SIPA1L2: variants seen among roughly 807,000 people sequenced by gnomAD.
SIPA1L2 encodes signal induced proliferation associated 1 like 2.
In SIPA1L2, 56 loss-of-function variants were observed where a neutral mutation model predicts 163.9. The ratio of observed to expected loss-of-function variants is 0.34; its 90% CI spans 0.28 to 0.43. The LOEUF is 0.43. Among genes scored for constraint, SIPA1L2 ranks in the 20% least tolerant of loss-of-function variants. The pLI is 1.00. For synonymous variants in SIPA1L2, 877 were observed against 865.7 expected (o/e 1.01, Z -0.23); for missense variants, 1,974 against 2,193.5 (o/e 0.90, Z 2.00).
intron 3 of SIPA1L2, among the ~76,000 whole-genome samples, chr1:232,497,437 C>A (rs1572986485): frequency 1.3e-5 from 2 of 152,180 alleles, no homozygotes; most frequent in South Asian, 4.1e-4. Flanking sequence ...TTCACTCCCC[C>A]ACAGCCTGTC....
rs1667167782 is a variant in SIPA1L2 at position 232,515,187 on chromosome 1, T to C, written c.153A>G (p.Leu51=). 6 of 1,614,172 alleles carry C rather than the reference T, an allele frequency of 3.7e-6. No individual in the cohort carries two copies. The highest frequency in any genetic ancestry group is 5.1e-6 in the Non-Finnish European group (6 of 1,180,024). ...INGNMGPTTS[L]NASNSNETGG... is the part of the protein sequence containing the mutation. Reference sequence around the variant, plus strand: ...CAGTCTCATTGGAATTCGAGGCATTTAAAGAAGTAGTGGGTCCCATGTTGC... The same window carrying C: ...CAGTCTCATTGGAATTCGAGGCATTCAAAGAAGTAGTGGGTCCCATGTTGC... Residue 51 remains leucine, a synonymous_variant, in exon 3 of 23, where the codon TTA becomes TTG. Transcript: ENST00000674635.
In SIPA1L2 at chr1:232,441,328, T is replaced by C. The variant is rs745662748; in HGVS notation, c.3605A>G (p.Asp1202Gly). The change falls in exon 14 of 23, where the codon GAT becomes GGT. Residue 1202 changes from aspartate to glycine, a missense_variant. Asp to Gly is a moderately conservative substitution (Grantham distance 94). Coordinates refer to ENST00000674635, the MANE Select transcript of SIPA1L2 (RefSeq NM_020808.5). Reference sequence around the variant, plus strand: ...ATTGGGGGAATCTTTGCAACTTCCATCTTTCTGCAGAGCTCTTTCTTTATA... The same window carrying C: ...ATTGGGGGAATCTTTGCAACTTCCACCTTTCTGCAGAGCTCTTTCTTTATA... ...GSYKERALQKDGSCKDSPNKL... is the reference protein window; with the variant it reads ...GSYKERALQKGGSCKDSPNKL... The C allele has an allele frequency of 1.1e-5, 18 of 1,593,790 alleles. No homozygotes were observed. In the South Asian group the frequency reaches 2.1e-4, roughly 18 times the overall value.
chr1:232,464,599 C>CT (rs1030569620), intron 9 of SIPA1L2, among the ~76,000 whole-genome samples: 1 of 152,188 alleles, frequency 6.6e-6, no homozygotes, highest in African/African-American at 2.4e-5. Flanking sequence ...TTAATGTTCT[C>CT]TTTTGCAGGT....
intron 2 of SIPA1L2, among the ~76,000 whole-genome samples, chr1:232,560,754 A>G (rs1486087940): frequency 6.6e-6 from 1 of 152,248 alleles, no homozygotes; most frequent in African/African-American, 2.4e-5. Context: ...TTCTAAGTGC[A>G]TATAATTTCT....
intron 2 of SIPA1L2, among the ~76,000 whole-genome samples, chr1:232,541,539 T>C (rs1369870305): frequency 6.6e-6 from 1 of 152,226 alleles, no homozygotes; most frequent in Admixed American, 6.5e-5. Flanking sequence ...GGTTCACTGA[T>C]GCTGAACAAG....
chr1:232,421,718 T>C (rs1354510362), intron 18 of SIPA1L2, among the ~76,000 whole-genome samples: 1 of 152,154 alleles, frequency 6.6e-6, no homozygotes, highest in African/African-American at 2.4e-5. Context: ...TGAAGCAACA[T>C]GTGCAAGTAT....
In SIPA1L2 at chr1:232,449,292, G is replaced by A. The variant is rs528231672; in HGVS notation, c.3096-3506C>T. On this transcript the variant is annotated intron_variant, in intron 10 of 22. Transcript: ENST00000674635. ...CCAGCACTTTGGGGGGCCGAGGTGG[G>A]CGGATCACGAGGTCAGGAGATTGAG... 7.0e-4 allele frequency among the ~76,000 whole-genome samples: 107 copies of A among 152,158 alleles called. No homozygotes were observed. The Middle Eastern group carries it at 0.014, about 19-fold the overall frequency.
chr1:232,581,472 G>A (rs1660370062), intron 1 of SIPA1L2, among the ~76,000 whole-genome samples: 1 of 152,250 alleles, frequency 6.6e-6, no homozygotes, highest in East Asian at 1.9e-4. Flanking sequence ...GAGGAAAAAA[G>A]AGGCCTTCTG....
chr1:232,450,147 ACT>A (rs920821951), intron 10 of SIPA1L2, among the ~76,000 whole-genome samples: 1 of 152,008 alleles, frequency 6.6e-6, no homozygotes, highest in Non-Finnish European at 1.5e-5. Context: ...CTTTATTTTA[ACT>A]CTGTTTCCCT....
rs16857602 is a variant in SIPA1L2 at position 232,541,604 on chromosome 1, A to G, written c.-269-25996T>C. Among the ~76,000 whole-genome samples the G allele has an allele frequency of 9.2e-3, 1,394 of 152,308 alleles. 30 individuals carry two copies. Among genetic ancestry groups the G allele is most frequent in the African/African-American group, 0.032 (1,325 of 41,546 alleles). ...ATCTCTTAGTTAAGACAGTAAGTCG[A>G]TATTTTGGTTCTTGTACATTAAAAG... On this transcript the variant is annotated intron_variant, in intron 2 of 22. Transcript: ENST00000674635.
At chr1:232,566,504 C>T (rs1659414433) in intron 2 of SIPA1L2, among the ~76,000 whole-genome samples, 1 of 152,220 alleles carries the variant, frequency 6.6e-6, no homozygotes, top group Non-Finnish European at 1.5e-5. Context: ...GTATTCGTCG[C>T]TTTTCACTAA....
intron 1 of SIPA1L2, among the ~76,000 whole-genome samples, chr1:232,577,946 C>T (rs1453869835): frequency 1.3e-5 from 2 of 152,110 alleles, no homozygotes; most frequent in African/African-American, 4.8e-5. Context: ...GGGTCAAATG[C>T]TATGAAACAG....
chr1:232,551,994 C>G (rs1046102308), intron 2 of SIPA1L2, among the ~76,000 whole-genome samples: 4 of 152,142 alleles, frequency 2.6e-5, no homozygotes, highest in East Asian at 1.9e-4. Context: ...CGCCCGCCCC[C>G]ACGCCTGGCT....
rs561672244 is a variant in SIPA1L2, at chr1:232,422,250, T to G, written c.4630+3339A>C. On this transcript the variant is annotated intron_variant, in intron 18 of 22. Coordinates refer to ENST00000674635, the MANE Select transcript of SIPA1L2 (RefSeq NM_020808.5). ...CAGGTGATATTTGCATACCTCCAAG[T>G]TGAAGACATAAAGATACAGCACATT... 6.6e-5 allele frequency among the ~76,000 whole-genome samples: 10 copies of G among 152,290 alleles called. No individual in the cohort carries two copies. In the South Asian group the frequency reaches 2.1e-3, roughly 32 times the overall value.
chr1:232,534,491 G>GA (rs1318085155), intron 2 of SIPA1L2, among the ~76,000 whole-genome samples: 1 of 152,226 alleles, frequency 6.6e-6, no homozygotes, highest in Non-Finnish European at 1.5e-5. Context: ...ATGATTGCTT[G>GA]AATATGACAC....
intron 1 of SIPA1L2, among the ~76,000 whole-genome samples, chr1:232,622,044 G>C (rs1262117725): frequency 1.3e-5 from 2 of 152,132 alleles, no homozygotes; most frequent in Admixed American, 6.5e-5. Flanking sequence ...ATTTTAAATG[G>C]GAAAAATGAC....
At chr1:232,484,917 A>G (rs1665568201) in intron 5 of SIPA1L2, among the ~76,000 whole-genome samples, 1 of 152,232 alleles carries the variant, frequency 6.6e-6, no homozygotes, top group Non-Finnish European at 1.5e-5. Context: ...GTAAAACAGA[A>G]CCTTTAATCA....
chr1:232,591,856 T>G (rs1237290587), intron 1 of SIPA1L2, among the ~76,000 whole-genome samples: 1 of 152,182 alleles, frequency 6.6e-6, no homozygotes, highest in African/African-American at 2.4e-5. Flanking sequence ...TCCTCACTTC[T>G]TATGTTCTAA....
At chr1:232,616,931 G>A (rs1201153985) in intron 1 of SIPA1L2, among the ~76,000 whole-genome samples, 1 of 152,184 alleles carries the variant, frequency 6.6e-6, no homozygotes, top group Non-Finnish European at 1.5e-5. Flanking sequence ...CATTTTGCCA[G>A]CCAGTTCTCT....
Sources: allele counts gnomAD v4.1 joint callset (sites outside exome capture counted in the v4.1 genomes callset), GRCh38; gene constraint gnomAD v4.1.1; transcripts MANE v1.5; gene names NCBI Gene and HGNC (gene_info 2026-07-23, HGNC 2026-07-21).